CACNA1E: variants seen among roughly 807,000 people sequenced by gnomAD.
The protein encoded by CACNA1E is voltage-dependent R-type calcium channel subunit alpha-1E.
A neutral mutation model predicts 259.2 loss-of-function variants in CACNA1E; 40 were observed. The ratio of observed to expected loss-of-function variants is 0.15; its 90% CI spans 0.12 to 0.20. CACNA1E has a LOEUF of 0.20. Among genes scored for constraint, CACNA1E ranks in the 10% least tolerant of loss-of-function variants. CACNA1E has a pLI of 1.00. For missense variants in CACNA1E, 1,874 were observed against 3,040.1 expected (o/e 0.62, Z 9.02); for synonymous variants, 1,104 against 1,138.5 (o/e 0.97, Z 0.61).
At chr1:181,703,812 G>A (rs563092346) in intron 7 of CACNA1E, among the ~76,000 whole-genome samples, 8 of 149,034 alleles carry the variant, frequency 5.4e-5, no homozygotes, top group South Asian at 2.1e-4. Context: ...ATGGAAAGCC[G>A]GTCTTGGACA....
At chr1:181,684,487 T>C (rs1172508983) in intron 7 of CACNA1E, among the ~76,000 whole-genome samples, 1 of 152,192 alleles carries the variant, frequency 6.6e-6, no homozygotes, top group Non-Finnish European at 1.5e-5. Flanking sequence ...TTTAATTAGG[T>C]CCTACTTGTC....
At chr1:181,433,946 C>T (rs1390388236) in intron 2 of CACNA1E, among the ~76,000 whole-genome samples, 1 of 152,182 alleles carries the variant, frequency 6.6e-6, no homozygotes, top group Non-Finnish European at 1.5e-5. Flanking sequence ...AAAGCAATAG[C>T]CAAATGTGAA....
intron 2 of CACNA1E, among the ~76,000 whole-genome samples, chr1:181,475,002 C>T (rs1558032479): frequency 6.6e-6 from 1 of 152,280 alleles, no homozygotes; most frequent in Non-Finnish European, 1.5e-5. Flanking sequence ...GATGTCCACT[C>T]AACTCACAAG....
At chr1:181,572,149 G>A (rs1171818233) in intron 3 of CACNA1E, among the ~76,000 whole-genome samples, 1 of 152,170 alleles carries the variant, frequency 6.6e-6, no homozygotes, top group African/African-American at 2.4e-5. Context: ...CAGTGAATGT[G>A]CCTGTGAAAA....
intron 7 of CACNA1E, among the ~76,000 whole-genome samples, chr1:181,699,873 GAGA>G (rs1652062511): frequency 6.6e-6 from 1 of 152,164 alleles, no homozygotes; most frequent in African/African-American, 2.4e-5. Context: ...ACTAGAGGAG[GAGA>G]AGTTTGGGGA....
chr1:181,439,786 C>T (rs766283336), intron 2 of CACNA1E, among the ~76,000 whole-genome samples: 2 of 152,128 alleles, frequency 1.3e-5, no homozygotes, highest in Non-Finnish European at 1.5e-5. Context: ...TGGATTTTCC[C>T]GAGTGATGGC....
chr1:181,782,818 G>A (rs571724975), intron 39 of CACNA1E, among the ~76,000 whole-genome samples: 3 of 152,336 alleles, frequency 2.0e-5, no homozygotes, highest in East Asian at 3.9e-4. Context: ...AAAGTACCAG[G>A]TGGTAGAATG....
At chr1:181,443,656 A>G (rs987342642) in intron 2 of CACNA1E, among the ~76,000 whole-genome samples, 1 of 152,236 alleles carries the variant, frequency 6.6e-6, no homozygotes, top group Admixed American at 6.5e-5. Flanking sequence ...TCCTGCAGCA[A>G]CTGTGTAAGG....
rs762078001 is a variant in CACNA1E, at chr1:181,772,193, G to A, written c.5101G>A (p.Val1701Met). ...ACGCTGCGGCACCGATCTGGCCTACGTGTACTTTGTCTCCTTCATCTTCTT... is the reference window on the plus strand; with the variant it reads ...ACGCTGCGGCACCGATCTGGCCTACATGTACTTTGTCTCCTTCATCTTCTT... ...NERCGTDLAY[V>M]YFVSFIFFCS... Residue 1701 changes from valine (V) to methionine (M), a missense_variant, in exon 37 of 48, where the codon GTG becomes ATG. Physicochemically the swap from Val to Met is conservative, Grantham distance 21 (BLOSUM62 1). Transcript: ENST00000367573. 37 of 1,613,796 alleles carry A rather than the reference G, an allele frequency of 2.3e-5. No individual in the cohort carries two copies. The highest frequency in any genetic ancestry group is 4.0e-5 in the African/African-American group (3 of 74,918).
chr1:181,445,576 T>G (rs991183955), intron 2 of CACNA1E, among the ~76,000 whole-genome samples: 1 of 152,218 alleles, frequency 6.6e-6, no homozygotes, highest in African/African-American at 2.4e-5. Flanking sequence ...CTTCATGTCT[T>G]TGCTGCATAC....
intron 2 of CACNA1E, among the ~76,000 whole-genome samples, chr1:181,433,415 C>T (rs1158673553): frequency 5.9e-5 from 9 of 152,228 alleles, no homozygotes; most frequent in Non-Finnish European, 1.0e-4. Context: ...CCTCCCATTC[C>T]TGCTCTGTCT....
In CACNA1E at chr1:181,776,761, A is replaced by G. The variant is rs561473128; in HGVS notation, c.5267+533A>G. Among the ~76,000 whole-genome samples the G allele has an allele frequency of 6.6e-6, 1 of 152,364 alleles. No individual in the cohort carries two copies. Among genetic ancestry groups the G allele is most frequent in the South Asian group, 2.1e-4 (1 of 4,830 alleles). ...TTTTTATTACATGGAACTAAATTAA[A>G]TGGTAGGAATTGGTGAAGATAACTT... On this transcript the variant is annotated intron_variant, in intron 38 of 47. Coordinates refer to ENST00000367573, the MANE Select transcript of CACNA1E (RefSeq NM_001205293.3). The surrounding 1 kb of genome is among the most constrained non-coding windows in gnomAD (Gnocchi z 4.4).
rs1028478541 is a variant in CACNA1E, at chr1:181,806,648, G to A, written c.*7814G>A. ...AAGCCACAGTTCAGCACTGCATGTT[G>A]ACCAGGCGGATATCCTATAATATAG... On this transcript the variant is annotated 3_prime_UTR_variant, in exon 48 of 48. Transcript: ENST00000367573. The A allele has an allele frequency of 6.6e-6, 1 of 152,140 alleles. No homozygotes were observed. The highest frequency in any genetic ancestry group is 1.5e-5 in the Non-Finnish European group (1 of 68,038). The allele number at this position is 152,140 out of a possible 1,614,324, so 9.4% of individuals were successfully genotyped here.
intron 3 of CACNA1E, among the ~76,000 whole-genome samples, chr1:181,520,650 A>T (rs776417802): frequency 6.6e-6 from 1 of 152,198 alleles, no homozygotes. Context: ...AGTTTACTAC[A>T]TATCGCACAT....
intron 2 of CACNA1E, among the ~76,000 whole-genome samples, chr1:181,445,424 T>C (rs1660733712): frequency 6.6e-6 from 1 of 152,240 alleles, no homozygotes; most frequent in Non-Finnish European, 1.5e-5. Context: ...GACCCTGCTA[T>C]TCCCCATGCT....
At chr1:181,352,243 A>T (rs1244416953) in intron 1 of CACNA1E, among the ~76,000 whole-genome samples, 1 of 152,050 alleles carries the variant, frequency 6.6e-6, no homozygotes, top group East Asian at 1.9e-4. Context: ...AGTAGCATTG[A>T]CTCTTATAAA....
At position 181,339,362 on chromosome 1, in the gene CACNA1E, T is replaced by C. The variant is rs116120468; in HGVS notation, c.-15+21239T>C. Among the ~76,000 whole-genome samples the C allele has an allele frequency of 4.8e-3, 729 of 152,274 alleles. 7 individuals are homozygous for C. The highest frequency in any genetic ancestry group is 0.016 in the African/African-American group (680 of 41,578). On this transcript the variant is annotated intron_variant, in intron 1 of 11. Coordinates refer to the CACNA1E transcript ENST00000524607. ...TTAATCAATGTTATATAGTTTTTAG[T>C]GCACAGATCTTTCACTTCCTTGGTT...
At chr1:181,781,361 C>T (rs1345176560) in intron 38 of CACNA1E, 66 bp from the exon 39 acceptor site, 2 of 758,938 alleles carry the variant, frequency 2.6e-6, no homozygotes, top group Non-Finnish European at 2.3e-6. Context: ...ACTTCCTTCT[C>T]CTTTCCCTGC....
At chr1:181,696,389 C>G (rs571117112) in intron 7 of CACNA1E, among the ~76,000 whole-genome samples, 1 of 152,164 alleles carries the variant, frequency 6.6e-6, no homozygotes, top group African/African-American at 2.4e-5. Context: ...TTCAGATTCT[C>G]TGCAAAATAT....
Sources: allele counts gnomAD v4.1 joint callset (sites outside exome capture counted in the v4.1 genomes callset), GRCh38; gene constraint gnomAD v4.1.1; non-coding constraint Gnocchi (gnomAD v3.1); transcripts MANE v1.5; gene names NCBI Gene and HGNC (gene_info 2026-07-23, HGNC 2026-07-21).